Variants in HS3ST4 observed in about 807,000 individuals in gnomAD.
HS3ST4 encodes heparan sulfate-glucosamine 3-sulfotransferase 4.
HS3ST4 carries 17 observed loss-of-function variants against 29.2 expected under a neutral mutation model. The observed-to-expected ratio is 0.58, with a 90% confidence interval of 0.40 to 0.87. HS3ST4 has a LOEUF of 0.87. Ranked by LOEUF, HS3ST4 falls within the 40% of genes least tolerant of loss-of-function variation. The pLI, the probability that HS3ST4 is intolerant of heterozygous loss-of-function variation, is 0.00. For missense variants in HS3ST4, 627 were observed against 634.5 expected (o/e 0.99, Z 0.13); for synonymous variants, 314 against 285.7 (o/e 1.10, Z -1.00).
chr16:26,091,056 T>A (rs7202090), intron 1 of HS3ST4, among the ~76,000 whole-genome samples: 82,002 of 151,880 alleles, frequency 0.54, 22,865 homozygotes, highest in African/African-American at 0.67. Flanking sequence ...ATAACCCTGT[T>A]AAGTTTTTGT....
At chr16:25,916,644 G>A (rs1395098795) in intron 1 of HS3ST4, among the ~76,000 whole-genome samples, 5 of 149,036 alleles carry the variant, frequency 3.4e-5, no homozygotes, top group Non-Finnish European at 5.9e-5. Context: ...TTATGGGCAT[G>A]AGCCACCGTG....
intron 1 of HS3ST4, among the ~76,000 whole-genome samples, chr16:25,859,292 C>T (rs1046031389): frequency 1.3e-5 from 2 of 152,202 alleles, no homozygotes; most frequent in Non-Finnish European, 1.5e-5. Flanking sequence ...GCACACACTA[C>T]ATCAGGCTAT....
intron 1 of HS3ST4, among the ~76,000 whole-genome samples, chr16:25,703,142 A>G (rs1966347360): frequency 6.6e-6 from 1 of 152,072 alleles, no homozygotes; most frequent in Non-Finnish European, 1.5e-5. Context: ...CAGCCTGGTG[A>G]CAGAGCAAGA....
chr16:25,724,552 C>T (rs1966518942), intron 1 of HS3ST4, among the ~76,000 whole-genome samples: 1 of 152,080 alleles, frequency 6.6e-6, no homozygotes, highest in Non-Finnish European at 1.5e-5. Flanking sequence ...TTAGTAGAGA[C>T]GGGGTTTCAC....
intron 1 of HS3ST4, among the ~76,000 whole-genome samples, chr16:26,039,936 G>T (rs1969620351): frequency 6.6e-6 from 1 of 152,108 alleles, no homozygotes; most frequent in Non-Finnish European, 1.5e-5. Context: ...TTGCAACAAT[G>T]CCTCAGTGAA....
intron 1 of HS3ST4, among the ~76,000 whole-genome samples, chr16:25,776,908 A>G (rs1259905571): frequency 1.3e-5 from 2 of 152,202 alleles, no homozygotes; most frequent in Admixed American, 6.5e-5. Flanking sequence ...ATGTTTGTCT[A>G]ATTCTACTGA....
intron 1 of HS3ST4, among the ~76,000 whole-genome samples, chr16:26,018,373 G>C (rs1273414016): frequency 6.6e-6 from 1 of 152,202 alleles, no homozygotes; most frequent in Admixed American, 6.5e-5. Flanking sequence ...AAGAAACCAG[G>C]AGACTGGTTG....
intron 1 of HS3ST4, among the ~76,000 whole-genome samples, chr16:26,012,176 C>A (rs1969316834): frequency 6.6e-6 from 1 of 152,120 alleles, no homozygotes; most frequent in African/African-American, 2.4e-5. Flanking sequence ...CCTGTTTTAC[C>A]ATAAAACAAG....
intron 1 of HS3ST4, among the ~76,000 whole-genome samples, chr16:26,133,219 A>G (rs1173451111): frequency 1.3e-5 from 2 of 152,168 alleles, no homozygotes; most frequent in African/African-American, 4.8e-5. Flanking sequence ...AAATTCTGAC[A>G]TTGAACCGGC....
At chr16:25,955,734 A>C (rs1442865862) in intron 1 of HS3ST4, among the ~76,000 whole-genome samples, 2 of 152,012 alleles carry the variant, frequency 1.3e-5, no homozygotes, top group Non-Finnish European at 1.5e-5. Flanking sequence ...GTAGAAAATG[A>C]TACCAGTGTG....
At chr16:25,775,325 A>C (rs1966846616) in intron 1 of HS3ST4, among the ~76,000 whole-genome samples, 1 of 152,216 alleles carries the variant, frequency 6.6e-6, no homozygotes, top group Non-Finnish European at 1.5e-5. Flanking sequence ...CCCATAAAAA[A>C]GACAGCACGT....
At chr16:25,741,909 G>A (rs1357152658) in intron 1 of HS3ST4, among the ~76,000 whole-genome samples, 1 of 152,116 alleles carries the variant, frequency 6.6e-6, no homozygotes, top group African/African-American at 2.4e-5. Context: ...TAATTGCTAA[G>A]TGGATAGGGC....
intron 1 of HS3ST4, among the ~76,000 whole-genome samples, chr16:25,971,385 T>TA (rs1968895688): frequency 1.3e-5 from 2 of 152,172 alleles, no homozygotes; most frequent in South Asian, 4.1e-4. Context: ...CACTCACTGT[T>TA]TATCCTCCTC....
chr16:25,937,692 C>T (rs1214348330), intron 1 of HS3ST4, among the ~76,000 whole-genome samples: 1 of 152,136 alleles, frequency 6.6e-6, no homozygotes, highest in African/African-American at 2.4e-5. Flanking sequence ...GCCTGGTTGA[C>T]AATGAGAAGC....
At chr16:25,787,033 C>T (rs773758044) in intron 1 of HS3ST4, among the ~76,000 whole-genome samples, 91 of 152,128 alleles carry the variant, frequency 6.0e-4, no homozygotes, top group Non-Finnish European at 1.3e-3. Context: ...TATTGCTGGT[C>T]GAGGTTGAAA....
chr16:25,748,703 T>C (rs1008413267), intron 1 of HS3ST4, among the ~76,000 whole-genome samples: 1 of 152,274 alleles, frequency 6.6e-6, no homozygotes, highest in Non-Finnish European at 1.5e-5. Context: ...AAGTGATTGC[T>C]GTCCTAGGTT....
At chr16:25,963,896 G>A (rs552009613) in intron 1 of HS3ST4, among the ~76,000 whole-genome samples, 54 of 152,278 alleles carry the variant, frequency 3.5e-4, no homozygotes, top group African/African-American at 1.3e-3. Flanking sequence ...CTAAGGCTGG[G>A]CGAGGTGGCT....
chr16:25,878,922 C>T (rs893682919), intron 1 of HS3ST4, among the ~76,000 whole-genome samples: 2 of 152,132 alleles, frequency 1.3e-5, no homozygotes, highest in Non-Finnish European at 2.9e-5. Flanking sequence ...TGGTAGTGGG[C>T]TCTCAGAAGG....
At chr16:25,842,102 C>T (rs552308263) in intron 1 of HS3ST4, among the ~76,000 whole-genome samples, 6 of 152,288 alleles carry the variant, frequency 3.9e-5, no homozygotes, top group African/African-American at 9.6e-5. Flanking sequence ...GACTTTTTAT[C>T]GTATGGCAAG....
Sources: gnomAD v4.1 joint callset for allele counts (sites outside exome capture counted in the v4.1 genomes callset) on GRCh38, gnomAD v4.1.1 for gene constraint, MANE v1.5 for transcripts, NCBI Gene and HGNC (gene_info 2026-07-23, HGNC 2026-07-21) for gene names.